RECK: variants seen among roughly 807,000 people sequenced by gnomAD.
RECK encodes the protein reversion-inducing cysteine-rich protein with Kazal motifs.
A neutral mutation model predicts 115.1 loss-of-function variants in RECK; 69 were observed. That is an observed-to-expected ratio of 0.60 (90% CI 0.49 to 0.73). The LOEUF (loss-of-function observed/expected upper bound fraction) is 0.73, where lower values mean the gene tolerates loss of function less well. RECK is among the 30% of genes least tolerant of loss of function. The pLI is 0.00. For missense variants in RECK, 1,047 were observed against 1,203.7 expected (o/e 0.87, Z 1.93); for synonymous variants, 414 against 419.7 (o/e 0.99, Z 0.17).
intron 1 of RECK, among the ~76,000 whole-genome samples, chr9:36,042,464 G>A (rs1162844173): frequency 2.9e-5 from 4 of 139,086 alleles, no homozygotes; most frequent in South Asian, 4.6e-4. Context: ...GTGTGTGTGT[G>A]TACACATATA....
intron 2 of RECK, among the ~76,000 whole-genome samples, chr9:36,058,313 T>C (rs1821613806): frequency 6.7e-6 from 1 of 149,204 alleles, no homozygotes; most frequent in African/African-American, 2.5e-5. Flanking sequence ...CATGGAATAC[T>C]ATGCAGCCAT....
At chr9:36,064,040 T>C (rs1821891825) in intron 5 of RECK, among the ~76,000 whole-genome samples, 160 bp downstream of exon 5, 2 of 152,254 alleles carry the variant, frequency 1.3e-5, no homozygotes, top group African/African-American at 4.8e-5. Flanking sequence ...TTAGACTTGC[T>C]GTTTTTTTAT....
intron 6 of RECK, among the ~76,000 whole-genome samples, chr9:36,073,253 C>G (rs927851660): frequency 5.3e-5 from 8 of 150,954 alleles, no homozygotes; most frequent in Non-Finnish European, 5.9e-5. Context: ...CACACACACA[C>G]ACACACACAC....
chr9:36,114,135 T>C lies in RECK; in HGVS notation c.2060+1659T>C, dbSNP rs115011285. On this transcript the variant is annotated intron_variant, in intron 16 of 20. Transcript: ENST00000377966. ...GGGGATTGCTCTTAAGAAGCTTTAA[T>C]AGGCCACATCTAAAAGTAACATTCA... 6.9e-3 allele frequency among the ~76,000 whole-genome samples: 1,056 copies of C among 152,330 alleles called. 14 individuals are homozygous for C. Among genetic ancestry groups the C allele is most frequent in the African/African-American group, 0.023 (941 of 41,576 alleles).
intron 18 of RECK, among the ~76,000 whole-genome samples, 185 bp downstream of exon 18, chr9:36,119,152 A>G (rs1824371164): frequency 6.6e-6 from 1 of 152,218 alleles, no homozygotes; most frequent in Admixed American, 6.5e-5. Flanking sequence ...CTTCGATATC[A>G]TCTGGTGTCC....
intron 12 of RECK, among the ~76,000 whole-genome samples, chr9:36,104,322 ATATAT>A (rs1564130893): frequency 1.8e-5 from 1 of 54,252 alleles, no homozygotes; most frequent in African/African-American, 1.2e-4. Flanking sequence ...ATATATATAT[ATATAT>A]TTTTTTTTTT....
At chr9:36,092,563 T>TC (rs56162301) in intron 10 of RECK, among the ~76,000 whole-genome samples, 2 of 139,120 alleles carry the variant, frequency 1.4e-5, no homozygotes, top group Non-Finnish European at 3.0e-5. Flanking sequence ...TTTTTTTTTT[T>TC]GTATTTTTAG....
In RECK at chr9:36,102,203, A is replaced by T; in HGVS notation, c.1408A>T (p.Asn470Tyr). 1 of 1,613,502 alleles carries T rather than the reference A, an allele frequency of 6.2e-7. No homozygotes were observed. Among genetic ancestry groups the T allele is most frequent in the South Asian group, 1.1e-5 (1 of 90,956 alleles). ...ELLSPTDDLK[N>Y]CIPLDTYLRP... ...TCTGTCACCTACAGATGATCTGAAGAATTGTATACCTTTGGATACATACCT... is the reference window on the plus strand; with the variant it reads ...TCTGTCACCTACAGATGATCTGAAGTATTGTATACCTTTGGATACATACCT... Residue 470 changes from asparagine to tyrosine, a missense_variant, in exon 12 of 21, where the codon AAT becomes TAT. By Grantham distance (143) the Asn-to-Tyr change is moderately radical. Transcript: ENST00000377966.
chr9:36,055,030 T>TA (rs756450413), intron 2 of RECK, among the ~76,000 whole-genome samples: 1 of 152,148 alleles, frequency 6.6e-6, no homozygotes, highest in Admixed American at 6.5e-5. Context: ...TAAGTATGGG[T>TA]AAAAAACTTC....
At chr9:36,095,420 A>G (rs975288418) in intron 10 of RECK, among the ~76,000 whole-genome samples, 1 of 152,228 alleles carries the variant, frequency 6.6e-6, no homozygotes, top group Non-Finnish European at 1.5e-5. Flanking sequence ...AAATTATGCA[A>G]TTATTACACA....
chr9:36,092,130 T>C (rs1208981559), intron 10 of RECK, among the ~76,000 whole-genome samples: 1 of 152,232 alleles, frequency 6.6e-6, no homozygotes, highest in Non-Finnish European at 1.5e-5. Flanking sequence ...AAAATTGAGA[T>C]ATCTTTAAAA....
intron 1 of RECK, among the ~76,000 whole-genome samples, chr9:36,046,241 G>A (rs1258279729): frequency 6.6e-6 from 1 of 152,082 alleles, no homozygotes; most frequent in Non-Finnish European, 1.5e-5. Flanking sequence ...ATTAGGCCTG[G>A]GAGAGTTTTG....
intron 2 of RECK, among the ~76,000 whole-genome samples, chr9:36,057,322 T>C (rs1423164994): frequency 6.6e-6 from 1 of 152,194 alleles, no homozygotes; most frequent in East Asian, 1.9e-4. Context: ...AGAATAAACT[T>C]ATCTTTTTTT....
intron 6 of RECK, among the ~76,000 whole-genome samples, chr9:36,076,280 G>T (rs936802978): frequency 1.3e-5 from 2 of 152,188 alleles, no homozygotes; most frequent in African/African-American, 2.4e-5. Flanking sequence ...TATTTAACCA[G>T]TTTCCTATTT....
chr9:36,121,676 A>G lies in RECK; in HGVS notation c.2682A>G (p.Pro894=). The G allele has an allele frequency of 6.2e-7, 1 of 1,614,088 alleles. No homozygotes were observed. Among genetic ancestry groups the G allele is most frequent in the Non-Finnish European group, 8.5e-7 (1 of 1,179,976 alleles). ...VILIIPVDHY[P]KALQIEACNK... ...TGATCATTCCCGTCGATCACTATCC[A>G]AAAGCTCTGCAGGTGAGTTCAGCAC... The change falls in exon 20 of 21, where the codon CCA becomes CCG. Residue 894 remains proline (P), a synonymous_variant. Coordinates refer to ENST00000377966, the MANE Select transcript of RECK (RefSeq NM_021111.3).
At chr9:36,053,185 GT>G (rs1821377285) in intron 2 of RECK, among the ~76,000 whole-genome samples, 1 of 152,130 alleles carries the variant, frequency 6.6e-6, no homozygotes, top group Non-Finnish European at 1.5e-5. Flanking sequence ...ATTCTTAAAA[GT>G]TGTCTGTAGG....
chr9:36,072,047 T>C (rs1822250577), intron 6 of RECK, among the ~76,000 whole-genome samples: 1 of 152,182 alleles, frequency 6.6e-6, no homozygotes, highest in Admixed American at 6.5e-5. Flanking sequence ...AATATATATA[T>C]GTATAGTCCT....
chr9:36,122,999 C>T lies in RECK; in HGVS notation c.2870C>T (p.Pro957Leu). ...CCTTCTTGCCACTCCCTCCTCCTTCCCCTCAGCTTGGGCCTTGCCTTGCAC... is the reference window on the plus strand; with the variant it reads ...CCTTCTTGCCACTCCCTCCTCCTTCTCCTCAGCTTGGGCCTTGCCTTGCAC... ...ARPSCHSLLL[P>L]LSLGLALHLL... The change falls in exon 21 of 21, where the codon CCC (proline) becomes CTC (leucine). Residue 957 changes from proline to leucine, a missense_variant. Coordinates refer to ENST00000377966, the MANE Select transcript of RECK (RefSeq NM_021111.3). 1.9e-6 allele frequency: 3 copies of T among 1,614,142 alleles called. No individual in the cohort carries two copies. Among genetic ancestry groups the T allele is most frequent in the Non-Finnish European group, 8.5e-7 (1 of 1,180,042 alleles).
chr9:36,056,655 C>T (rs1821542109), intron 2 of RECK, among the ~76,000 whole-genome samples: 1 of 152,190 alleles, frequency 6.6e-6, no homozygotes, highest in Non-Finnish European at 1.5e-5. Context: ...CAGGTGAACA[C>T]TTGAAATGTG....
Sources: gnomAD v4.1 joint callset for allele counts (sites outside exome capture counted in the v4.1 genomes callset) on GRCh38, gnomAD v4.1.1 for gene constraint, MANE v1.5 for transcripts, NCBI Gene and HGNC (gene_info 2026-07-23, HGNC 2026-07-21) for gene names.